Variants in ST8SIA2 observed in about 807,000 individuals in gnomAD.
ST8SIA2 encodes alpha-2,8-sialyltransferase 8B.
A neutral mutation model predicts 37.6 loss-of-function variants in ST8SIA2; 22 were observed. The ratio of observed to expected loss-of-function variants is 0.58; its 90% CI spans 0.42 to 0.83. The LOEUF (loss-of-function observed/expected upper bound fraction) is 0.83, where lower values mean the gene tolerates loss of function less well. Ranked by LOEUF, ST8SIA2 falls within the 40% of genes least tolerant of loss-of-function variation. The probability of loss-of-function intolerance (pLI) is 0.00; values close to 1 mark genes in which losing one functional copy is unlikely to be tolerated. For synonymous variants in ST8SIA2, 205 were observed against 201.2 expected (o/e 1.02, Z -0.16); for missense variants, 382 against 484.7 (o/e 0.79, Z 1.99).
chr15:92,445,029 C>T (rs774991610), intron 5 of ST8SIA2, 100 bp downstream of exon 5: 9 of 1,538,360 alleles, frequency 5.9e-6, no homozygotes, highest in Admixed American at 3.4e-5. Flanking sequence ...CCCAGCTCCA[C>T]CACTCATTTG....
chr15:92,459,166 T>A (rs924005904), intron 5 of ST8SIA2, among the ~76,000 whole-genome samples: 5 of 152,198 alleles, frequency 3.3e-5, no homozygotes, highest in Non-Finnish European at 7.3e-5. Flanking sequence ...GAAAAGAAAT[T>A]CATTTCTGAA....
chr15:92,445,183 TG>T (rs2049833277), intron 5 of ST8SIA2: 3 of 576,664 alleles, frequency 5.2e-6, no homozygotes, highest in Non-Finnish European at 6.2e-6. Flanking sequence ...AGAATGATCT[TG>T]GGGGTGGGGC....
At chr15:92,396,484 C>CTTTTCTTTTTTTCT (rs1425287520) in intron 1 of ST8SIA2, among the ~76,000 whole-genome samples, 2 of 140,306 alleles carry the variant, frequency 1.4e-5, no homozygotes, top group Admixed American at 7.4e-5. Flanking sequence ...TTTTTTTTGT[C>CTTTTCTTTTTTTCT]TTTTCTTTTT....
intron 5 of ST8SIA2, among the ~76,000 whole-genome samples, chr15:92,455,013 T>C (rs1230428396): frequency 1.3e-5 from 2 of 152,086 alleles, no homozygotes; most frequent in Non-Finnish European, 2.9e-5. Flanking sequence ...ATGGCACTGA[T>C]TCAGCTTGCC....
intron 1 of ST8SIA2, among the ~76,000 whole-genome samples, chr15:92,399,889 T>G (rs1048718914): frequency 2.0e-5 from 3 of 152,236 alleles, no homozygotes; most frequent in Admixed American, 2.0e-4. Flanking sequence ...TAAATACTTC[T>G]TCGAGAGGGG....
intron 4 of ST8SIA2, among the ~76,000 whole-genome samples, chr15:92,444,180 G>A (rs1468712872): frequency 6.6e-6 from 1 of 152,176 alleles, no homozygotes; most frequent in South Asian, 2.1e-4. Flanking sequence ...GTAATGGAAG[G>A]TCTCAGGAAG....
In ST8SIA2 at chr15:92,398,998, C is replaced by T. The variant is rs368519082; in HGVS notation, c.98+4836C>T. 3.9e-5 allele frequency among the ~76,000 whole-genome samples: 6 copies of T among 152,150 alleles called. No homozygotes were observed. The East Asian group carries it at 5.8e-4, about 15-fold the overall frequency. On this transcript the variant is annotated intron_variant, in intron 1 of 5. Transcript: ENST00000268164. ...CAGAGGAGGACTCTGAGCACATCTC[C>T]CCAAAATGTCCCTCTAGTCCAGCTA...
At chr15:92,396,893 T>C (rs993815398) in intron 1 of ST8SIA2, among the ~76,000 whole-genome samples, 1 of 152,162 alleles carries the variant, frequency 6.6e-6, no homozygotes, top group East Asian at 1.9e-4. Flanking sequence ...GTGAGGGGCG[T>C]CAAGAGGGCT....
At chr15:92,413,566 A>G (rs547053201) in intron 1 of ST8SIA2, among the ~76,000 whole-genome samples, 1 of 152,268 alleles carries the variant, frequency 6.6e-6, no homozygotes. Flanking sequence ...GTTTCCGCGC[A>G]TCCTCACTGC....
chr15:92,428,079 A>C (rs1238805005), intron 1 of ST8SIA2, among the ~76,000 whole-genome samples: 1 of 152,254 alleles, frequency 6.6e-6, no homozygotes, highest in Non-Finnish European at 1.5e-5. Flanking sequence ...GTGATAATGT[A>C]AGATTATCTT....
intron 5 of ST8SIA2, among the ~76,000 whole-genome samples, chr15:92,460,479 G>A (rs2049949908): frequency 6.6e-6 from 1 of 152,226 alleles, no homozygotes. Context: ...GGATCTGTGA[G>A]AGGATCTCAG....
chr15:92,395,873 G>T (rs1159728363), intron 1 of ST8SIA2, among the ~76,000 whole-genome samples: 1 of 152,196 alleles, frequency 6.6e-6, no homozygotes, highest in Admixed American at 6.5e-5. Flanking sequence ...GCTTATCCAG[G>T]CACCCCTAGG....
intron 1 of ST8SIA2, among the ~76,000 whole-genome samples, chr15:92,395,044 T>G (rs1363764747): frequency 6.6e-6 from 1 of 152,022 alleles, no homozygotes; most frequent in Non-Finnish European, 1.5e-5. Flanking sequence ...GCACCGGCTG[T>G]GTGTCCCAGG....
intron 1 of ST8SIA2, among the ~76,000 whole-genome samples, chr15:92,401,019 C>T (rs1304944302): frequency 6.6e-6 from 1 of 152,196 alleles, no homozygotes; most frequent in African/African-American, 2.4e-5. Context: ...ACCAGTGAAT[C>T]CTCATGACGG....
intron 5 of ST8SIA2, among the ~76,000 whole-genome samples, chr15:92,454,422 T>C (rs1567224335): frequency 6.6e-6 from 1 of 152,132 alleles, no homozygotes. Flanking sequence ...TACAGTCACA[T>C]TCCAAGGTAC....
At chr15:92,399,979 G>A (rs533096322) in intron 1 of ST8SIA2, among the ~76,000 whole-genome samples, 1 of 152,272 alleles carries the variant, frequency 6.6e-6, no homozygotes, top group South Asian at 2.1e-4. Flanking sequence ...GTCTGTAGCC[G>A]GCCTGGGCTC....
At chr15:92,453,025 CCTAT>C (rs1387956728) in intron 5 of ST8SIA2, among the ~76,000 whole-genome samples, 1 of 152,002 alleles carries the variant, frequency 6.6e-6, no homozygotes, top group African/African-American at 2.4e-5. Context: ...GAAATTTCTG[CCTAT>C]CTGAGGCAGT....
In ST8SIA2 at chr15:92,396,470, G is replaced by GTTTTTTT. The variant is rs111488508; in HGVS notation, c.98+2313_98+2319dup. ...GGTTTCTTTTTGTTTGTTTGTTTTT[G>GTTTTTTT]TTTTTTTTTTTGTCTTTTCTTTTTT... On this transcript the variant is annotated intron_variant, in intron 1 of 5. Transcript: ENST00000268164. Among the ~76,000 whole-genome samples the GTTTTTTT allele has an allele frequency of 2.7e-3, 394 of 143,624 alleles. 4 individuals carry two copies. Among genetic ancestry groups the GTTTTTTT allele is most frequent in the Middle Eastern group, 0.011 (3 of 280 alleles). 94.2% of individuals were successfully genotyped at this position (143,624 alleles called of 152,430 possible). A position where few individuals can be genotyped will look rare whatever the true frequency, so the allele number is the denominator to read the frequency against.
At chr15:92,460,089 C>T (rs995588417) in intron 5 of ST8SIA2, among the ~76,000 whole-genome samples, 4 of 152,162 alleles carry the variant, frequency 2.6e-5, no homozygotes, top group African/African-American at 4.8e-5. Flanking sequence ...AGTCACGTGC[C>T]CTGCAAGGCT....
Sources: gnomAD v4.1 joint callset for allele counts (sites outside exome capture counted in the v4.1 genomes callset) on GRCh38, gnomAD v4.1.1 for gene constraint, MANE v1.5 for transcripts, NCBI Gene and HGNC (gene_info 2026-07-23, HGNC 2026-07-21) for gene names.